Variants in ESRRG observed in about 807,000 individuals in gnomAD.
The protein encoded by ESRRG is estrogen-related receptor gamma.
In ESRRG, 13 loss-of-function variants were observed where a neutral mutation model predicts 44.0. The observed-to-expected ratio is 0.30, with a 90% confidence interval of 0.19 to 0.47. The LOEUF (loss-of-function observed/expected upper bound fraction) is 0.47, where lower values mean the gene tolerates loss of function less well. ESRRG is among the 20% of genes least tolerant of loss of function. ESRRG has a pLI of 1.00. For synonymous variants in ESRRG, 215 were observed against 214.6 expected, an observed-to-expected ratio of 1.00 and a Z score of -0.02; for missense variants, 395 against 580.6, an observed-to-expected ratio of 0.68 and a Z score of 3.29.
chr1:217,061,081 G>T (rs141234874), intron 1 of ESRRG, among the ~76,000 whole-genome samples: 2,646 of 151,834 alleles, frequency 0.017, 38 homozygotes, highest in Middle Eastern at 0.024. Context: ...CCCAAAAAAA[G>T]TCTTAAGTTC....
At chr1:216,712,374 T>A (rs1472085705) in intron 1 of ESRRG, among the ~76,000 whole-genome samples, 3 of 152,218 alleles carry the variant, frequency 2.0e-5, no homozygotes, top group Non-Finnish European at 4.4e-5. Context: ...CTAAAGGATT[T>A]GAGACATGGA....
At chr1:216,683,985 T>C (rs1261081964) in intron 1 of ESRRG, among the ~76,000 whole-genome samples, 2 of 152,170 alleles carry the variant, frequency 1.3e-5, no homozygotes, top group African/African-American at 2.4e-5. Context: ...TTGCAAAATA[T>C]AAGGGATTTT....
At chr1:216,684,658 A>G (rs2077597917) in intron 1 of ESRRG, among the ~76,000 whole-genome samples, 1 of 152,194 alleles carries the variant, frequency 6.6e-6, no homozygotes, top group South Asian at 2.1e-4. Context: ...AACTCTGGCT[A>G]ATCATCTACA....
intron 1 of ESRRG, among the ~76,000 whole-genome samples, chr1:217,097,768 C>A (rs1342802831): frequency 2.6e-5 from 4 of 151,348 alleles, no homozygotes; most frequent in Admixed American, 6.6e-5. Context: ...TGCTTACCTT[C>A]CCATAAGAAA....
chr1:216,752,726 A>G (rs935799161), intron 2 of ESRRG, among the ~76,000 whole-genome samples: 2 of 152,050 alleles, frequency 1.3e-5, no homozygotes, highest in Non-Finnish European at 2.9e-5. Flanking sequence ...AGAACAGTAG[A>G]GTGTAGTGGA....
rs1362305688 is a variant in ESRRG at position 216,730,108 on chromosome 1, C to A, written c.-13-52617G>T. 1.3e-5 allele frequency among the ~76,000 whole-genome samples: 2 copies of A among 151,992 alleles called. 1 individual carries two copies. The highest frequency in any genetic ancestry group is 3.9e-4 in the East Asian group (2 of 5,162). On this transcript the variant is annotated intron_variant, in intron 2 of 7. Transcript: ENST00000359162. Reference sequence around the variant, plus strand: ...AGAAAAGATTACATTTCTCCCCTTTCCAGTGCTTCGTTAGCAACAAGCCAC... The same window carrying A: ...AGAAAAGATTACATTTCTCCCCTTTACAGTGCTTCGTTAGCAACAAGCCAC...
At chr1:217,081,912 G>A (rs544386946) in intron 1 of ESRRG, among the ~76,000 whole-genome samples, 1 of 152,338 alleles carries the variant, frequency 6.6e-6, no homozygotes, top group East Asian at 1.9e-4. Context: ...AATGACAGGC[G>A]ATATTTGAGA....
At chr1:217,137,216 A>G (rs1341118964) in intron 1 of ESRRG, among the ~76,000 whole-genome samples, 3 of 152,214 alleles carry the variant, frequency 2.0e-5, no homozygotes, top group Non-Finnish European at 2.9e-5. Context: ...TCCCCCATGC[A>G]GTTTATGTAG....
At chr1:216,804,684 T>C (rs956924340) in intron 2 of ESRRG, among the ~76,000 whole-genome samples, 1 of 152,094 alleles carries the variant, frequency 6.6e-6, no homozygotes, top group Non-Finnish European at 1.5e-5. Context: ...CTGCACAAAT[T>C]TGTGCTTTGA....
chr1:216,949,617 C>CA (rs1338243991), intron 1 of ESRRG, among the ~76,000 whole-genome samples: 23 of 151,902 alleles, frequency 1.5e-4, no homozygotes, highest in Admixed American at 1.5e-3. Flanking sequence ...TAATCACTTT[C>CA]AAAAAAATTA....
intron 5 of ESRRG, among the ~76,000 whole-genome samples, chr1:216,559,670 G>A (rs767870308): frequency 6.6e-6 from 1 of 152,104 alleles, no homozygotes; most frequent in Non-Finnish European, 1.5e-5. Flanking sequence ...ATTTTATTGT[G>A]CTTTTGCACG....
chr1:216,584,090 C>T (rs1385182019), intron 3 of ESRRG, among the ~76,000 whole-genome samples: 3 of 152,082 alleles, frequency 2.0e-5, no homozygotes, highest in African/African-American at 7.2e-5. Flanking sequence ...CATGAAAATA[C>T]ATAGAAAAGC....
At position 216,526,335 on chromosome 1, in the gene ESRRG, T is replaced by G. The variant is rs887801755; in HGVS notation, c.863-6914A>C. Among the ~76,000 whole-genome samples, 11 of 152,190 alleles carry G rather than the reference T, an allele frequency of 7.2e-5. No homozygotes were observed. The South Asian group carries it at 2.1e-3, about 29-fold the overall frequency. ...ATGAGGTCATTAAAGTGGGCCCTAA[T>G]GTAATATGACTGTATCTTCATAAAA... On this transcript the variant is annotated intron_variant, in intron 5 of 6. Transcript: ENST00000408911.
At chr1:216,707,353 G>GC (rs1230887042) in intron 1 of ESRRG, 1 of 1,535,382 alleles carries the variant, frequency 6.5e-7, no homozygotes, top group East Asian at 2.4e-5. Flanking sequence ...AAATAATCGG[G>GC]CCCACCTTTT....
rs1367560696 is a variant in ESRRG at position 216,779,225 on chromosome 1, TTATAAA to T, written c.-13-101740_-13-101735del. On this transcript the variant is annotated intron_variant, in intron 2 of 7. Coordinates refer to the ESRRG transcript ENST00000359162. The stretch of plus-strand genomic sequence containing the variant: ...TATAAATATAAATATATATTTATAT[TTATAAA>T]TATAAATATATATTTATATTTATAA... Among the ~76,000 whole-genome samples, 127 of 21,122 alleles carry T rather than the reference TTATAAA, an allele frequency of 6.0e-3. 3 individuals are homozygous for T. Among genetic ancestry groups the T allele is most frequent in the Middle Eastern group, 0.024 (1 of 42 alleles). 13.9% of individuals were successfully genotyped at this position (21,122 alleles called of 152,430 possible).
chr1:216,991,383 C>T (rs947303245), intron 1 of ESRRG, among the ~76,000 whole-genome samples: 5 of 152,094 alleles, frequency 3.3e-5, no homozygotes, highest in African/African-American at 1.2e-4. Flanking sequence ...GTTGTTGCTG[C>T]TGCTGCTGCT....
intron 1 of ESRRG, among the ~76,000 whole-genome samples, chr1:216,695,845 G>A (rs982394939): frequency 2.0e-5 from 3 of 152,076 alleles, no homozygotes; most frequent in Non-Finnish European, 4.4e-5. Flanking sequence ...GTTAGCATGG[G>A]GACTCACAAA....
chr1:216,766,438 C>G (rs1301933736), intron 2 of ESRRG, among the ~76,000 whole-genome samples: 3 of 151,952 alleles, frequency 2.0e-5, no homozygotes, highest in Non-Finnish European at 4.4e-5. Flanking sequence ...CCATCTTTCC[C>G]TCTCATTCTC....
chr1:216,922,938 T>C (rs10779286), intron 2 of ESRRG, among the ~76,000 whole-genome samples: 1 of 151,966 alleles, frequency 6.6e-6, no homozygotes. Context: ...TGTATATTTG[T>C]TGTCACTGTT....
Sources: gnomAD v4.1 joint callset for allele counts (sites outside exome capture counted in the v4.1 genomes callset) on GRCh38, gnomAD v4.1.1 for gene constraint, MANE v1.5 for transcripts, NCBI Gene and HGNC (gene_info 2026-07-23, HGNC 2026-07-21) for gene names.